USP6NL: variants seen among roughly 807,000 people sequenced by gnomAD.
USP6NL encodes the protein USP6 N-terminal-like protein.
USP6NL carries 26 observed loss-of-function variants against 61.9 expected under a neutral mutation model. The observed-to-expected ratio is 0.42, with a 90% CI of 0.31 to 0.58. USP6NL has a LOEUF of 0.58. USP6NL is among the 20% of genes least tolerant of loss of function. USP6NL has a pLI of 0.16. For missense variants in USP6NL, 1,114 were observed against 1,034.3 expected (o/e 1.08, Z -1.06); for synonymous variants, 432 against 390.1 (o/e 1.11, Z -1.27).
Position 11,470,139 on chromosome 10 carries a change from G to C in USP6NL, c.1079-6290C>G, listed in dbSNP as rs1009445348. Among the ~76,000 whole-genome samples, 1 of 152,208 alleles carries C rather than the reference G, an allele frequency of 6.6e-6. No individual in the cohort carries two copies. Among genetic ancestry groups the C allele is most frequent in the Non-Finnish European group, 1.5e-5 (1 of 68,028 alleles). On this transcript the variant is annotated intron_variant, in intron 14 of 14. Coordinates refer to ENST00000609104, the MANE Select transcript of USP6NL (RefSeq NM_014688.5). The surrounding 1 kb of genome is among the most constrained non-coding windows in gnomAD (Gnocchi z 5.4). ...GGGGCGGAGACAGTGAAGGAGAGGT[G>C]AGGAAGAAGGAAGACGTGGCGGGGA...
intron 1 of USP6NL, among the ~76,000 whole-genome samples, chr10:11,606,575 T>G (rs1478335001): frequency 6.6e-6 from 1 of 152,230 alleles, no homozygotes; most frequent in African/African-American, 2.4e-5. Context: ...CATTATTTAC[T>G]GCATTATCTA....
At position 11,608,472 on chromosome 10, in the gene USP6NL, T is replaced by A. The variant is rs1057028114; in HGVS notation, c.-84+2971A>T. Among the ~76,000 whole-genome samples, 2 of 152,252 alleles carry A rather than the reference T, an allele frequency of 1.3e-5. 1 individual carries two copies. Among genetic ancestry groups the A allele is most frequent in the East Asian group, 3.9e-4 (2 of 5,186 alleles). The stretch of plus-strand genomic sequence containing the variant: ...GAAGCAGCTTATTTAACCTTCCCAA[T>A]CTCTTCAGTGACTGTGAACAAGCTC... On this transcript the variant is annotated intron_variant, in intron 1 of 14. Coordinates refer to ENST00000609104, the MANE Select transcript of USP6NL (RefSeq NM_014688.5).
rs371031572 is a variant in USP6NL, at chr10:11,562,411, C to T, written c.5-34844G>A. 8.1e-6 allele frequency: 8 copies of T among 985,342 alleles called. No homozygotes were observed. The highest frequency in any genetic ancestry group is 5.2e-4 in the Middle Eastern group (1 of 1,914). The allele number at this position is 985,342 out of a possible 1,614,324, so 61.0% of individuals were successfully genotyped here. A position where few individuals can be genotyped will look rare whatever the true frequency, so the allele number is the denominator to read the frequency against. ...CAGATTTCCCCTTTTCCTTTTTCTT[C>T]TTGCTTGGCTCTTGGACCTAAGGAT... On this transcript the variant is annotated intron_variant, in intron 2 of 14. Transcript: ENST00000609104. This position sits in a 1 kb window ranked among gnomAD's most constrained non-coding sequence, Gnocchi z 4.8.
rs780986965 is a variant in USP6NL at position 11,463,624 on chromosome 10, G to A, written c.1304C>T (p.Ser435Leu). 4 of 1,613,916 alleles carry A rather than the reference G, an allele frequency of 2.5e-6. No homozygotes were observed. Among genetic ancestry groups the A allele is most frequent in the East Asian group, 2.2e-5 (1 of 44,872 alleles). ...PERAQPPRRK[S>L]VEEESKKLKD... Reference sequence around the variant, plus strand: ...AAGCTTTTTGCTCTCCTCCTCCACCGATTTCCGTCTTGGCGGCTGTGCTCT... The same window carrying A: ...AAGCTTTTTGCTCTCCTCCTCCACCAATTTCCGTCTTGGCGGCTGTGCTCT... Residue 435 changes from serine to leucine, a missense_variant, in exon 15 of 15, where the codon TCG becomes TTG. Ser to Leu is a moderately radical substitution (Grantham distance 145). Transcript: ENST00000609104. The surrounding 1 kb of genome is among the most constrained non-coding windows in gnomAD (Gnocchi z 6.3).
chr10:11,574,579 G>A lies in USP6NL; in HGVS notation c.4+23052C>T, dbSNP rs1434094611. On this transcript the variant is annotated intron_variant, in intron 2 of 14. Coordinates refer to ENST00000609104, the MANE Select transcript of USP6NL (RefSeq NM_014688.5). This position sits in a 1 kb window ranked among gnomAD's most constrained non-coding sequence, Gnocchi z 4.3. ...AGTAAACCTACAGAGTTAACTAAAAGAGAAAAATGACACTCAGGTGAACAT... is the reference window on the plus strand; with the variant it reads ...AGTAAACCTACAGAGTTAACTAAAAAAGAAAAATGACACTCAGGTGAACAT... Among the ~76,000 whole-genome samples the A allele has an allele frequency of 6.6e-6, 1 of 152,158 alleles. No individual in the cohort carries two copies. Among genetic ancestry groups the A allele is most frequent in the East Asian group, 1.9e-4 (1 of 5,206 alleles).
intron 14 of USP6NL, among the ~76,000 whole-genome samples, chr10:11,469,075 A>G (rs1467889688): frequency 1.3e-5 from 2 of 152,218 alleles, no homozygotes; most frequent in Non-Finnish European, 2.9e-5. Flanking sequence ...TATGCATCAT[A>G]TTAGAATTAA....
rs1838306795 is a variant in USP6NL, at chr10:11,595,781, T to C, written c.4+1850A>G. ...AAGACAAAATTTTAAAATTATCAAA[T>C]GATCTGAAAAAGACTTTAAAATAAG... is the stretch of plus-strand genomic sequence containing the variant. On this transcript the variant is annotated intron_variant, in intron 2 of 14. Transcript: ENST00000609104. This position sits in a 1 kb window ranked among gnomAD's most constrained non-coding sequence, Gnocchi z 5.3. Among the ~76,000 whole-genome samples, 1 of 152,040 alleles carries C rather than the reference T, an allele frequency of 6.6e-6. No individual in the cohort carries two copies. The highest frequency in any genetic ancestry group is 1.9e-4 in the East Asian group (1 of 5,198).
rs1265763390 is a variant in USP6NL, at chr10:11,521,324, T to C, written c.156-2750A>G. Among the ~76,000 whole-genome samples the C allele has an allele frequency of 2.0e-5, 3 of 147,268 alleles. No individual in the cohort carries two copies. The South Asian group carries it at 6.3e-4, about 31-fold the overall frequency. On this transcript the variant is annotated intron_variant, in intron 4 of 14. Coordinates refer to ENST00000609104, the MANE Select transcript of USP6NL (RefSeq NM_014688.5). ...TTATATATATAATATTTTTATTATA[T>C]ATAAAATATATATTATATATTATTA...
intron 1 of USP6NL, among the ~76,000 whole-genome samples, chr10:11,605,891 C>A (rs1227803541): frequency 6.6e-6 from 1 of 152,104 alleles, no homozygotes; most frequent in Non-Finnish European, 1.5e-5. Context: ...GGGAGAAAAT[C>A]TAACATTGTA....
chr10:11,473,053 A>G (rs369111968), intron 14 of USP6NL, among the ~76,000 whole-genome samples: 9 of 152,322 alleles, frequency 5.9e-5, no homozygotes, highest in African/African-American at 1.7e-4. Flanking sequence ...ACCCACTCCA[A>G]TCCTCAAAAA....
intron 3 of USP6NL, among the ~76,000 whole-genome samples, chr10:11,526,423 T>C (rs1291771160): frequency 6.6e-6 from 1 of 152,188 alleles, no homozygotes; most frequent in Non-Finnish European, 1.5e-5. Flanking sequence ...TGGACTGTGT[T>C]AATTGTGTGG....
chr10:11,548,222 T>G lies in USP6NL; in HGVS notation c.5-20655A>C, dbSNP rs1311786599. On this transcript the variant is annotated intron_variant, in intron 2 of 14. Coordinates refer to ENST00000609104, the MANE Select transcript of USP6NL (RefSeq NM_014688.5). The surrounding 1 kb of genome is among the most constrained non-coding windows in gnomAD (Gnocchi z 4.3). Reference sequence around the variant, plus strand: ...TGACATATTCACACTGTCTAACACATGACATTTACTAAAGTCCCCTTTGAA... The same window carrying G: ...TGACATATTCACACTGTCTAACACAGGACATTTACTAAAGTCCCCTTTGAA... Among the ~76,000 whole-genome samples, 1 of 152,226 alleles carries G rather than the reference T, an allele frequency of 6.6e-6. No homozygotes were observed. Among genetic ancestry groups the G allele is most frequent in the Non-Finnish European group, 1.5e-5 (1 of 68,042 alleles).
At position 11,496,675 on chromosome 10, in the gene USP6NL, G is replaced by A. The variant is rs1833941937; in HGVS notation, c.385-3447C>T. ...CCTATTTACCATGTACTGGTAATACGGACTTCTGCTTGAATCAATTCCAAT... is the reference window on the plus strand; with the variant it reads ...CCTATTTACCATGTACTGGTAATACAGACTTCTGCTTGAATCAATTCCAAT... On this transcript the variant is annotated intron_variant, in intron 7 of 14. Transcript: ENST00000609104. This position sits in a 1 kb window ranked among gnomAD's most constrained non-coding sequence, Gnocchi z 5.4. Among the ~76,000 whole-genome samples, 1 of 151,860 alleles carries A rather than the reference G, an allele frequency of 6.6e-6. No individual in the cohort carries two copies. Among genetic ancestry groups the A allele is most frequent in the African/African-American group, 2.4e-5 (1 of 41,308 alleles).
rs554440989 is a variant in USP6NL, at chr10:11,575,371, G to A, written c.4+22260C>T. ...TTTTCCAATCATGTTTCCAGCTCCT[G>A]AGAAATTACTTCCTCTCTTCTGGAG... On this transcript the variant is annotated intron_variant, in intron 2 of 14. Transcript: ENST00000609104. The surrounding 1 kb of genome is among the most constrained non-coding windows in gnomAD (Gnocchi z 4.2). 6.6e-6 allele frequency among the ~76,000 whole-genome samples: 1 copy of A among 152,322 alleles called. No homozygotes were observed. The highest frequency in any genetic ancestry group is 1.9e-4 in the East Asian group (1 of 5,190).
At chr10:11,559,797 C>T (rs1271020772) in intron 2 of USP6NL, among the ~76,000 whole-genome samples, 1 of 152,128 alleles carries the variant, frequency 6.6e-6, no homozygotes, top group Non-Finnish European at 1.5e-5. Context: ...GTGCACCAGT[C>T]CTGATGATGA....
At chr10:11,524,714 T>C (rs556672598) in intron 4 of USP6NL, among the ~76,000 whole-genome samples, 90 of 152,264 alleles carry the variant, frequency 5.9e-4, no homozygotes, top group African/African-American at 2.1e-3. Flanking sequence ...AAGAGCACAG[T>C]TGAATGAAAA....
In USP6NL at chr10:11,462,332, G is replaced by A. The variant is rs970904851; in HGVS notation, c.*109C>T. 1.1e-5 allele frequency: 14 copies of A among 1,231,414 alleles called. No homozygotes were observed. The Admixed American group carries it at 3.0e-4, about 27-fold the overall frequency. 76.3% of individuals were successfully genotyped at this position (1,231,414 alleles called of 1,614,324 possible). ...ATTCTTACTACTAACAGACAGGAGA[G>A]ATGTGCGAGTTGTTTACAATAGTAT... is the stretch of plus-strand genomic sequence containing the variant. On this transcript the variant is annotated 3_prime_UTR_variant, in exon 15 of 15. Coordinates refer to ENST00000609104, the MANE Select transcript of USP6NL (RefSeq NM_014688.5).
intron 2 of USP6NL, among the ~76,000 whole-genome samples, chr10:11,568,915 C>A (rs896591679): frequency 2.6e-4 from 40 of 152,158 alleles, no homozygotes; most frequent in African/African-American, 9.4e-4. Flanking sequence ...AAAGAGAGTT[C>A]ATTTGCTGGT....
At chr10:11,560,714 T>TATTTTA (rs138095176) in intron 2 of USP6NL, among the ~76,000 whole-genome samples, 1 of 141,326 alleles carries the variant, frequency 7.1e-6, no homozygotes, top group Admixed American at 7.1e-5. Flanking sequence ...TATATATATA[T>TATTTTA]TATATATATA....
Sources: gnomAD v4.1 joint callset for allele counts (sites outside exome capture counted in the v4.1 genomes callset) on GRCh38, gnomAD v4.1.1 for gene constraint, Gnocchi (gnomAD v3.1) non-coding constraint, MANE v1.5 for transcripts, NCBI Gene and HGNC (gene_info 2026-07-23, HGNC 2026-07-21) for gene names.